RANBP2: variants seen among roughly 807,000 people sequenced by gnomAD.
RANBP2 encodes the protein RAN binding protein 2, also known as E3 SUMO-protein ligase RanBP2.
Under a neutral mutation model 303.6 loss-of-function variants are expected in RANBP2, and 57 were observed. The observed-to-expected ratio is 0.19, with a 90% confidence interval of 0.15 to 0.23. The LOEUF (loss-of-function observed/expected upper bound fraction) is 0.23. RANBP2 is among the 10% of genes least tolerant of loss of function. The pLI is 1.00. For missense variants in RANBP2, 3,138 were observed against 3,780.8 expected, an observed-to-expected ratio of 0.83 and a Z score of 4.46; for synonymous variants, 1,167 against 1,301.5, an observed-to-expected ratio of 0.90 and a Z score of 2.23.
the RANBP2 span, among the ~76,000 whole-genome samples, chr2:109,523,038 C>G: frequency 2.6e-5 from 4 of 152,322 alleles, no homozygotes; most frequent in African/African-American, 9.6e-5. Flanking sequence ...CCTGCTGTAA[C>G]TGGTCTACCC....
chr2:108,760,382 G>GT (rs896253438), intron 18 of RANBP2, among the ~76,000 whole-genome samples: 23 of 152,210 alleles, frequency 1.5e-4, no homozygotes, highest in African/African-American at 4.3e-4. Context: ...AAACTTAAAT[G>GT]TTTTTTGAAC....
the RANBP2 span, among the ~76,000 whole-genome samples, chr2:109,499,847 C>G: frequency 6.6e-5 from 10 of 152,142 alleles, no homozygotes; most frequent in African/African-American, 9.7e-5. Flanking sequence ...TAATCGGCAA[C>G]ATAACTGACA....
chr2:109,704,707 T>A, the RANBP2 span, among the ~76,000 whole-genome samples: 1 of 151,654 alleles, frequency 6.6e-6, no homozygotes, highest in Non-Finnish European at 1.5e-5. Context: ...AAAAATTAGC[T>A]GGGCGTGGTG....
At chr2:109,392,761 C>G in the RANBP2 span, among the ~76,000 whole-genome samples, 1 of 151,968 alleles carries the variant, frequency 6.6e-6, no homozygotes, top group African/African-American at 2.4e-5. Context: ...GTGATCCGCC[C>G]ACCTCAGCCT....
At chr2:109,585,156 C>G in the RANBP2 span, 1 of 1,590,554 alleles carries the variant, frequency 6.3e-7, no homozygotes, top group Non-Finnish European at 8.5e-7. Context: ...GTCACCAAAT[C>G]CCACTGTATT....
the RANBP2 span, among the ~76,000 whole-genome samples, chr2:108,920,008 C>T: frequency 1.3e-5 from 2 of 152,250 alleles, no homozygotes; most frequent in African/African-American, 4.8e-5. Context: ...CCTCTTGCCT[C>T]TGCCTTCTGC....
At chr2:108,912,706 G>C in the RANBP2 span, 1 of 1,600,950 alleles carries the variant, frequency 6.2e-7, no homozygotes, top group Non-Finnish European at 8.5e-7. Flanking sequence ...AGGGAGACAG[G>C]GTGCTGCTGC....
At chr2:109,592,191 G>T in the RANBP2 span, among the ~76,000 whole-genome samples, 2 of 152,022 alleles carry the variant, frequency 1.3e-5, no homozygotes, top group South Asian at 4.2e-4. Context: ...ACGGCCGGGC[G>T]TGGTGGCTCA....
chr2:108,732,539 G>A (rs151249630), intron 4 of RANBP2, among the ~76,000 whole-genome samples: 131 of 152,202 alleles, frequency 8.6e-4, no homozygotes, highest in African/African-American at 3.0e-3. Context: ...TGTTTAACCC[G>A]ACCAAAGCAC....
chr2:109,726,591 A>G, the RANBP2 span, among the ~76,000 whole-genome samples: 2 of 152,122 alleles, frequency 1.3e-5, no homozygotes, highest in African/African-American at 4.8e-5. Context: ...TTACTAGGCT[A>G]CTAACAAGCT....
the RANBP2 span, among the ~76,000 whole-genome samples, chr2:109,073,536 G>A: frequency 4.8e-4 from 72 of 150,444 alleles, 1 homozygote; most frequent in African/African-American, 1.5e-3. Flanking sequence ...GGGTGTGGTG[G>A]CACGCACCTG....
the RANBP2 span, among the ~76,000 whole-genome samples, chr2:109,537,950 AACAC>A: frequency 1.3e-5 from 2 of 151,882 alleles, no homozygotes; most frequent in Admixed American, 6.6e-5. Context: ...CCTGTCTCAA[AACAC>A]ACACACACAT....
the RANBP2 span, chr2:109,613,051 A>T: frequency 1.8e-5 from 10 of 549,164 alleles, no homozygotes; most frequent in African/African-American, 1.7e-4. Flanking sequence ...TAAAAGGGAG[A>T]ATTTGTTTTT....
the RANBP2 span, among the ~76,000 whole-genome samples, chr2:109,648,970 C>T: frequency 4.6e-5 from 7 of 152,082 alleles, no homozygotes; most frequent in African/African-American, 1.7e-4. Context: ...GGACTGGTTG[C>T]GGGTGAGAGG....
At chr2:108,921,543 G>A in the RANBP2 span, among the ~76,000 whole-genome samples, 3 of 152,314 alleles carry the variant, frequency 2.0e-5, no homozygotes, top group African/African-American at 4.8e-5. Flanking sequence ...TGGCAACTTC[G>A]GGCTCCTGAT....
chr2:109,195,500 T>A, the RANBP2 span, among the ~76,000 whole-genome samples: 1 of 152,200 alleles, frequency 6.6e-6, no homozygotes, highest in African/African-American at 2.4e-5. Flanking sequence ...CTGTAGGCTT[T>A]ATTTTGGAAA....
At chr2:109,537,978 C>A in the RANBP2 span, among the ~76,000 whole-genome samples, 3 of 151,968 alleles carry the variant, frequency 2.0e-5, no homozygotes, top group Admixed American at 2.0e-4. Flanking sequence ...CACACACACA[C>A]AAACACACAC....
chr2:109,477,613 GGT>G, the RANBP2 span, among the ~76,000 whole-genome samples: 2,186 of 149,208 alleles, frequency 0.015, 42 homozygotes, highest in East Asian at 0.075. Context: ...GCCACAGATG[GGT>G]GTGTGTGTGT....
chr2:109,681,544 A>G, the RANBP2 span, among the ~76,000 whole-genome samples: 1 of 152,206 alleles, frequency 6.6e-6, no homozygotes, highest in Non-Finnish European at 1.5e-5. Flanking sequence ...GGTGAGTTTA[A>G]AAGAACATTT....
Sources: gnomAD v4.1 joint callset for allele counts (sites outside exome capture counted in the v4.1 genomes callset) on GRCh38, gnomAD v4.1.1 for gene constraint, MANE v1.5 for transcripts, NCBI Gene and HGNC (gene_info 2026-07-23, HGNC 2026-07-21) for gene names.